The following CDH18 variants were observed in gnomAD, a reference collection of about 807,000 sequenced individuals.
CDH18 encodes cadherin 18, also known as cadherin-18.
A neutral mutation model predicts 67.9 loss-of-function variants in CDH18; 31 were observed. The ratio of observed to expected loss-of-function variants is 0.46; its 90% CI spans 0.34 to 0.62. The LOEUF is 0.62. CDH18 is among the 20% of genes least tolerant of loss of function. CDH18 has a pLI of 0.01. For synonymous variants in CDH18, 362 were observed against 347.2 expected, an observed-to-expected ratio of 1.04 and a Z score of -0.48; for missense variants, 890 against 975.5, an observed-to-expected ratio of 0.91 and a Z score of 1.17.
intron 2 of CDH18, among the ~76,000 whole-genome samples, chr5:19,907,251 T>C (rs1284422207): frequency 2.0e-5 from 3 of 151,942 alleles, no homozygotes; most frequent in African/African-American, 7.2e-5. Context: ...CAATACACTT[T>C]GCACTTGGGT....
chr5:20,069,773 G>A (rs1706121279), intron 2 of CDH18, among the ~76,000 whole-genome samples: 1 of 152,070 alleles, frequency 6.6e-6, no homozygotes, highest in Non-Finnish European at 1.5e-5. Context: ...GCAAAATTCA[G>A]AGAAAGGTAC....
At chr5:20,172,223 T>TATATATATATATATATATATAC (rs1554098639) in intron 2 of CDH18, among the ~76,000 whole-genome samples, 4 of 43,920 alleles carry the variant, frequency 9.1e-5, no homozygotes, top group South Asian at 7.4e-4. Flanking sequence ...TATATATATA[T>TATATATATATATATATATATAC]GTATATATAT....
chr5:20,242,632 ATG>A (rs1561906059), intron 2 of CDH18, among the ~76,000 whole-genome samples: 24 of 127,244 alleles, frequency 1.9e-4, no homozygotes, highest in African/African-American at 6.2e-4. Context: ...ATATATATAT[ATG>A]TATATATATA....
At chr5:20,345,151 C>T (rs1740599335) in intron 1 of CDH18, among the ~76,000 whole-genome samples, 1 of 152,140 alleles carries the variant, frequency 6.6e-6, no homozygotes, top group Admixed American at 6.6e-5. Flanking sequence ...TTTCATTACC[C>T]ATGGAGTCTA....
chr5:19,763,994 CAAAA>C (rs60958986), intron 3 of CDH18, among the ~76,000 whole-genome samples: 13 of 65,310 alleles, frequency 2.0e-4, no homozygotes, highest in South Asian at 8.9e-4. Context: ...ACTAAAAATA[CAAAA>C]AAAAAAAAAA....
At chr5:20,561,427 A>G (rs1758204542) in intron 1 of CDH18, among the ~76,000 whole-genome samples, 1 of 152,136 alleles carries the variant, frequency 6.6e-6, no homozygotes, top group South Asian at 2.1e-4. Context: ...TCCGTGCTAT[A>G]AAGAAATGAG....
intron 2 of CDH18, among the ~76,000 whole-genome samples, chr5:20,009,180 C>T (rs557369365): frequency 6.6e-6 from 1 of 152,032 alleles, no homozygotes; most frequent in Non-Finnish European, 1.5e-5. Flanking sequence ...ATACCTCCCC[C>T]CAAGGAAAGC....
At position 20,244,888 on chromosome 5, in the gene CDH18, C is replaced by G. The variant is rs189719619; in HGVS notation, c.-518+10556G>C. On this transcript the variant is annotated intron_variant, in intron 2 of 14. Transcript: ENST00000507958. ...AAGAGAGAGAAAGAAACAGACATATCTAGTTTGTCTTTTCTTTATTCTATT... is the reference window on the plus strand; with the variant it reads ...AAGAGAGAGAAAGAAACAGACATATGTAGTTTGTCTTTTCTTTATTCTATT... Among the ~76,000 whole-genome samples the G allele has an allele frequency of 2.7e-4, 41 of 152,200 alleles. No individual in the cohort carries two copies. In the East Asian group the frequency reaches 6.2e-3, roughly 23 times the overall value.
chr5:19,593,707 C>CCTCCTCCTCCTTCTTCTT, intron 6 of CDH18, among the ~76,000 whole-genome samples: 48 of 33,390 alleles, frequency 1.4e-3, no homozygotes, highest in African/African-American at 5.2e-3. Context: ...TCCTCCTCCT[C>CCTCCTCCTCCTTCTTCTT]CTTCTTCTTC....
chr5:20,280,528 G>A (rs1746172539), intron 1 of CDH18, among the ~76,000 whole-genome samples: 1 of 152,144 alleles, frequency 6.6e-6, no homozygotes, highest in Non-Finnish European at 1.5e-5. Context: ...CCCTACAAAG[G>A]ACATGAACTC....
At position 19,471,661 on chromosome 5, in the gene CDH18, AAAC is replaced by A. The variant is rs1315905393; in HGVS notation, c.*1562_*1564del. Among the ~76,000 whole-genome samples the A allele has an allele frequency of 6.6e-6, 1 of 152,058 alleles. No homozygotes were observed. The highest frequency in any genetic ancestry group is 6.6e-5 in the Admixed American group (1 of 15,262). The stretch of plus-strand genomic sequence containing the variant: ...TTCAAGGCCAATAGCAACAACAACA[AAAC>A]ATTATCTAAAACAATTTGAAAAAAA... On this transcript the variant is annotated 3_prime_UTR_variant, in exon 13 of 13. Transcript: ENST00000382275.
At chr5:19,774,368 G>A (rs1439607214) in intron 3 of CDH18, among the ~76,000 whole-genome samples, 2 of 149,660 alleles carry the variant, frequency 1.3e-5, no homozygotes, top group South Asian at 2.1e-4. Flanking sequence ...GAGCATAACC[G>A]TGCCACAGCA....
At chr5:19,966,090 C>T (rs1797411290) in intron 2 of CDH18, among the ~76,000 whole-genome samples, 1 of 152,062 alleles carries the variant, frequency 6.6e-6, no homozygotes, top group South Asian at 2.1e-4. Flanking sequence ...ATACACACTA[C>T]TTTGATTTAT....
intron 2 of CDH18, among the ~76,000 whole-genome samples, chr5:20,095,014 A>T (rs1326771948): frequency 6.6e-6 from 1 of 152,064 alleles, no homozygotes; most frequent in Non-Finnish European, 1.5e-5. Context: ...AGGGACATGG[A>T]TGAAGCTGGA....
chr5:20,558,040 A>G (rs1055841570), intron 1 of CDH18, among the ~76,000 whole-genome samples: 2 of 147,888 alleles, frequency 1.4e-5, no homozygotes, highest in African/African-American at 2.6e-5. Context: ...GTTATATAAC[A>G]TTAATTGTTA....
chr5:20,544,938 G>A (rs1346211485), intron 1 of CDH18, among the ~76,000 whole-genome samples: 2 of 152,138 alleles, frequency 1.3e-5, no homozygotes, highest in East Asian at 1.9e-4. Context: ...AGCCTGTTAA[G>A]TAAAAAGCAA....
chr5:20,313,403 CTTCAT>C (rs1174304181), intron 1 of CDH18, among the ~76,000 whole-genome samples: 1 of 151,950 alleles, frequency 6.6e-6, no homozygotes, highest in Non-Finnish European at 1.5e-5. Context: ...TAAATTTGAT[CTTCAT>C]TTCTTTTCTG....
intron 2 of CDH18, among the ~76,000 whole-genome samples, chr5:20,211,809 A>G (rs1390768574): frequency 6.6e-6 from 1 of 152,142 alleles, no homozygotes; most frequent in Non-Finnish European, 1.5e-5. Flanking sequence ...GGTAGACAAA[A>G]CAACACAGAT....
At chr5:20,135,599 A>T (rs9292878) in intron 2 of CDH18, among the ~76,000 whole-genome samples, 130,139 of 152,110 alleles carry the variant, frequency 0.86, 56,898 homozygotes, top group Non-Finnish European at 0.94. Flanking sequence ...CCTTCAGTTC[A>T]GCTCTGATCA....
Sources: gnomAD v4.1 joint callset for allele counts (sites outside exome capture counted in the v4.1 genomes callset) on GRCh38, gnomAD v4.1.1 for gene constraint, MANE v1.5 for transcripts, NCBI Gene and HGNC (gene_info 2026-07-23, HGNC 2026-07-21) for gene names.